The following QRSL1 variants were observed in gnomAD, a reference collection of about 807,000 sequenced individuals.
QRSL1 encodes the protein glutamyl-tRNA(Gln) amidotransferase subunit A, mitochondrial.
In QRSL1, 54 loss-of-function variants were observed where a neutral mutation model predicts 61.6. The ratio of observed to expected loss-of-function variants is 0.88; its 90% CI spans 0.70 to 1.10. The LOEUF (loss-of-function observed/expected upper bound fraction) is 1.10. Among genes scored for constraint, QRSL1 ranks in the 50% least tolerant of loss-of-function variants. The pLI, the probability that QRSL1 is intolerant of heterozygous loss-of-function variation, is 0.00. For synonymous variants in QRSL1, 228 were observed against 225.7 expected, an observed-to-expected ratio of 1.01 and a Z score of -0.09; for missense variants, 505 against 622.6, an observed-to-expected ratio of 0.81 and a Z score of 2.01.
intron 3 of QRSL1, among the ~76,000 whole-genome samples, chr6:106,641,249 A>T (rs1345029066): frequency 6.6e-6 from 1 of 152,170 alleles, no homozygotes; most frequent in Non-Finnish European, 1.5e-5. Flanking sequence ...ACTTGAGCTC[A>T]GGAGTTTGAG....
intron 1 of QRSL1, among the ~76,000 whole-genome samples, chr6:106,634,788 T>C (rs1274189740): frequency 6.6e-6 from 1 of 151,312 alleles, no homozygotes; most frequent in Non-Finnish European, 1.5e-5. Flanking sequence ...CAAGAAAGCA[T>C]GAAGACCAAT....
intron 9 of QRSL1, among the ~76,000 whole-genome samples, chr6:106,661,411 C>A (rs1191244437): frequency 6.6e-6 from 1 of 151,994 alleles, no homozygotes; most frequent in East Asian, 1.9e-4. Flanking sequence ...CCAGGCCCAG[C>A]CAGTATTTGT....
At chr6:106,652,685 T>C in intron 7 of QRSL1, 103 bp downstream of exon 7, 2 of 1,567,982 alleles carry the variant, frequency 1.3e-6, no homozygotes, top group Non-Finnish European at 1.7e-6. Flanking sequence ...GCTCTGCCAC[T>C]TTTATTAATC....
intron 4 of QRSL1, among the ~76,000 whole-genome samples, chr6:106,644,163 C>T (rs987742316): frequency 1.5e-4 from 23 of 152,130 alleles, no homozygotes; most frequent in Middle Eastern, 3.2e-3. Flanking sequence ...TGTGCCACCA[C>T]GCCCGGCCTT....
At chr6:106,633,147 G>A (rs3804340) in intron 1 of QRSL1, among the ~76,000 whole-genome samples, 139,189 of 152,262 alleles carry the variant, frequency 0.91, 63,677 homozygotes, top group East Asian at 0.99. Context: ...TGGCATGATT[G>A]CTTTTACTTT....
In QRSL1 at chr6:106,643,027, A is replaced by G. The variant is rs760901942; in HGVS notation, c.317A>G (p.Gln106Arg). 2.5e-6 allele frequency: 4 copies of G among 1,613,284 alleles called. No individual in the cohort carries two copies. The highest frequency in any genetic ancestry group is 3.4e-6 in the Non-Finnish European group (4 of 1,179,616). The change falls in exon 4 of 11, where the codon CAG (glutamine) becomes CGG (arginine). Residue 106 changes from glutamine (Q) to arginine (R), a missense_variant. Gln to Arg is a conservative substitution (Grantham distance 43, BLOSUM62 1). Coordinates refer to ENST00000369046, the MANE Select transcript of QRSL1 (RefSeq NM_018292.5). Reference sequence around the variant, plus strand: ...CCACCTTATAATGCTACAGTAGTTCAGAAGTTGTTGGATCAGGGAGCTCTA... The same window carrying G: ...CCACCTTATAATGCTACAGTAGTTCGGAAGTTGTTGGATCAGGGAGCTCTA... The part of the protein sequence containing the change: ...YIPPYNATVV[Q>R]KLLDQGALLM...
chr6:106,635,918 G>A (rs1251349913), intron 1 of QRSL1, among the ~76,000 whole-genome samples: 2 of 151,750 alleles, frequency 1.3e-5, no homozygotes, highest in Non-Finnish European at 2.9e-5. Context: ...CTCTAATGCT[G>A]TCTGTTAAGT....
At chr6:106,660,131 C>G (rs1229656385) in intron 9 of QRSL1, among the ~76,000 whole-genome samples, 2 of 151,446 alleles carry the variant, frequency 1.3e-5, no homozygotes, top group Middle Eastern at 3.2e-3. Context: ...AGCTTCCTCT[C>G]TGGAATGAGG....
At chr6:106,642,861 A>G in intron 3 of QRSL1, 133 bp from the exon 4 acceptor site, 3 of 782,508 alleles carry the variant, frequency 3.8e-6, no homozygotes, top group Middle Eastern at 2.7e-4. Context: ...AGAGAAGCGC[A>G]CTGTGTGAGA....
chr6:106,640,987 A>G (rs1777010547), intron 3 of QRSL1, 66 bp downstream of exon 3: 3 of 1,102,678 alleles, frequency 2.7e-6, no homozygotes, highest in South Asian at 2.8e-5. Context: ...TTTAAGGATA[A>G]TAAAGTACCA....
At chr6:106,640,200 T>C (rs1776995125) in intron 1 of QRSL1, 149 bp from the exon 2 acceptor site, 7 of 658,320 alleles carry the variant, frequency 1.1e-5, no homozygotes. Flanking sequence ...CTACACTAAG[T>C]GTAGAGGTAA....
At chr6:106,644,704 G>C (rs967399987) in intron 4 of QRSL1, among the ~76,000 whole-genome samples, 4 of 151,918 alleles carry the variant, frequency 2.6e-5, no homozygotes, top group Non-Finnish European at 4.4e-5. Flanking sequence ...ATTTTTAGTA[G>C]AGATGGGGTT....
At chr6:106,643,988 C>T (rs1777068118) in intron 4 of QRSL1, among the ~76,000 whole-genome samples, 1 of 151,860 alleles carries the variant, frequency 6.6e-6, no homozygotes, top group Non-Finnish European at 1.5e-5. Context: ...TCTCCTGACT[C>T]AGCCTCCCAA....
At chr6:106,653,861 T>C (rs1161097600) in intron 7 of QRSL1, 1 of 151,620 alleles carries the variant, frequency 6.6e-6, no homozygotes, top group Non-Finnish European at 1.5e-5. Context: ...TATCTGTGCA[T>C]TCTTTTTAAG....
chr6:106,655,704 C>A lies in QRSL1; in HGVS notation c.1132C>A (p.Leu378Ile), dbSNP rs918445566. 4.3e-6 allele frequency: 7 copies of A among 1,612,380 alleles called. No homozygotes were observed. The South Asian group carries it at 4.4e-5, about 10-fold the overall frequency. ...GFNDVVRGRI[L>I]SGNFFLLKEN... ...TAATGATGTGGTGAGAGGAAGAATTCTCTCAGGAAACTTTTTCTTATTAAA... is the reference window on the plus strand; with the variant it reads ...TAATGATGTGGTGAGAGGAAGAATTATCTCAGGAAACTTTTTCTTATTAAA... The change falls in exon 9 of 11, where the codon CTC becomes ATC. Residue 378 changes from leucine (L) to isoleucine (I), a missense_variant. Transcript: ENST00000369046.
At chr6:106,642,710 A>G (rs979180857) in intron 3 of QRSL1, 82 of 750,858 alleles carry the variant, frequency 1.1e-4, no homozygotes, top group Non-Finnish European at 3.9e-5. Context: ...TGCCAAGAGA[A>G]TGAATGTGCA....
intron 9 of QRSL1, among the ~76,000 whole-genome samples, chr6:106,662,489 CT>C (rs34380610): frequency 0.48 from 69,360 of 143,188 alleles, 16,487 homozygotes; most frequent in African/African-American, 0.51. Flanking sequence ...TCCAGTGGTT[CT>C]TTTTTTTTTT....
rs1161055593 is a variant in QRSL1 at position 106,665,889 on chromosome 6, A to G, written c.1474A>G (p.Lys492Glu). The part of the protein sequence containing the change: ...FCDQQLLTVA[K>E]WFEKQVQFPV... ...TGACCAGCAGCTTCTTACAGTAGCC[A>G]AATGGTTTGAAAAACAAGTACAGTT... is the stretch of plus-strand genomic sequence containing the variant. The change falls in exon 11 of 11, where the codon AAA becomes GAA. Residue 492 changes from lysine (K) to glutamate (E), a missense_variant. Lys to Glu is a moderately conservative substitution (Grantham distance 56, BLOSUM62 1). Transcript: ENST00000369046. 3.1e-6 allele frequency: 5 copies of G among 1,614,004 alleles called. No homozygotes were observed. Among genetic ancestry groups the G allele is most frequent in the Non-Finnish European group, 4.2e-6 (5 of 1,179,870 alleles).
intron 10 of QRSL1, among the ~76,000 whole-genome samples, chr6:106,665,373 G>C (rs1032303409): frequency 6.6e-6 from 1 of 152,122 alleles, no homozygotes; most frequent in Non-Finnish European, 1.5e-5. Context: ...TGCATTTGTC[G>C]TTTGATGAAG....
Sources: gnomAD v4.1 joint callset for allele counts (sites outside exome capture counted in the v4.1 genomes callset) on GRCh38, gnomAD v4.1.1 for gene constraint, MANE v1.5 for transcripts, NCBI Gene and HGNC (gene_info 2026-07-23, HGNC 2026-07-21) for gene names.